The following VPS13D variants were observed in gnomAD, a reference collection of about 807,000 sequenced individuals.
VPS13D encodes vacuolar protein sorting 13 homolog D, also known as intermembrane lipid transfer protein VPS13D.
VPS13D carries 187 observed loss-of-function variants against 461.9 expected under a neutral mutation model. The ratio of observed to expected loss-of-function variants is 0.40; its 90% CI spans 0.36 to 0.46. The LOEUF is 0.46. Among genes scored for constraint, VPS13D ranks in the 20% least tolerant of loss-of-function variants. The pLI is 0.60. For missense variants in VPS13D, 4,711 were observed against 5,364.9 expected, an observed-to-expected ratio of 0.88 and a Z score of 3.81; for synonymous variants, 1,951 against 1,986.3, an observed-to-expected ratio of 0.98 and a Z score of 0.47.
intron 67 of VPS13D, among the ~76,000 whole-genome samples, chr1:12,470,405 CAT>C (rs992902219): frequency 3.3e-5 from 5 of 152,188 alleles, no homozygotes; most frequent in African/African-American, 1.2e-4. Flanking sequence ...CAAATTACCA[CAT>C]GTGAAGTGCT....
chr1:12,292,075 A>G (rs1642146502), intron 23 of VPS13D, among the ~76,000 whole-genome samples: 1 of 151,990 alleles, frequency 6.6e-6, no homozygotes, highest in South Asian at 2.1e-4. Flanking sequence ...CCTGGCCAAC[A>G]TGATGAAACC....
At chr1:12,315,665 A>T (rs1479560495) in intron 30 of VPS13D, among the ~76,000 whole-genome samples, 1 of 152,194 alleles carries the variant, frequency 6.6e-6, no homozygotes, top group Admixed American at 6.5e-5. Context: ...GTTAAAGCCC[A>T]TGATGTTTCC....
intron 1 of VPS13D, among the ~76,000 whole-genome samples, chr1:12,230,728 C>T (rs946598094): frequency 6.6e-6 from 1 of 151,700 alleles, no homozygotes; most frequent in East Asian, 2.0e-4. Flanking sequence ...CCAGCCACTC[C>T]TCCTAGGTGT....
chr1:12,252,596 A>AC (rs1640770005), intron 6 of VPS13D, among the ~76,000 whole-genome samples: 2 of 151,666 alleles, frequency 1.3e-5, no homozygotes, highest in Non-Finnish European at 2.9e-5. Flanking sequence ...ACATGATGAA[A>AC]CCCCATCTCT....
chr1:12,275,523 G>A (rs1288998577), intron 18 of VPS13D, among the ~76,000 whole-genome samples: 2 of 152,150 alleles, frequency 1.3e-5, no homozygotes, highest in Non-Finnish European at 2.9e-5. Context: ...AGCAGCTCAC[G>A]CCCATGGCAA....
chr1:12,232,747 G>A (rs1398658956), intron 1 of VPS13D, among the ~76,000 whole-genome samples: 1 of 144,498 alleles, frequency 6.9e-6, no homozygotes. Context: ...GAGGATTTCT[G>A]GAGTTTGGGG....
chr1:12,285,574 G>A (rs889159467), intron 21 of VPS13D, among the ~76,000 whole-genome samples: 1 of 152,124 alleles, frequency 6.6e-6, no homozygotes, highest in Admixed American at 6.5e-5. Flanking sequence ...ACAGGAGTGA[G>A]CCACTGCGCG....
chr1:12,413,686 G>T (rs995771791), intron 63 of VPS13D, among the ~76,000 whole-genome samples: 1 of 152,054 alleles, frequency 6.6e-6, no homozygotes, highest in Non-Finnish European at 1.5e-5. Context: ...CACCCAGGCT[G>T]GTCTTGAACT....
At position 12,338,322 on chromosome 1, in the gene VPS13D, C is replaced by T. The variant is rs747259633; in HGVS notation, c.8626+17C>T. ...ATGCTAGAGGTACAGTATAGCCAAGCGAGGGCTTGCTTTATTTTCCTGTTT... is the reference window on the plus strand; with the variant it reads ...ATGCTAGAGGTACAGTATAGCCAAGTGAGGGCTTGCTTTATTTTCCTGTTT... On this transcript the variant is annotated intron_variant, in intron 40 of 69. Transcript: ENST00000620676. 3.5e-5 allele frequency: 57 copies of T among 1,609,312 alleles called. No homozygotes were observed. Among genetic ancestry groups the T allele is most frequent in the Middle Eastern group, 1.6e-4 (1 of 6,062 alleles).
intron 26 of VPS13D, 54 bp from the exon 27 acceptor site, chr1:12,308,377 C>T (rs1365594796): frequency 1.3e-6 from 2 of 1,587,362 alleles, no homozygotes; most frequent in Non-Finnish European, 1.7e-6. Flanking sequence ...TTTAGTGCAA[C>T]CCCTTTTTGG....
Position 12,283,142 on chromosome 1 carries a change from T to C in VPS13D, c.5040T>C (p.Asn1680=), listed in dbSNP as rs1266102410. 6.2e-7 allele frequency: 1 copy of C among 1,613,998 alleles called. No homozygotes were observed. The highest frequency in any genetic ancestry group is 8.5e-7 in the Non-Finnish European group (1 of 1,180,024). Residue 1680 remains asparagine, a synonymous_variant, in exon 21 of 70, where the codon AAT becomes AAC. Coordinates refer to ENST00000620676, the MANE Select transcript of VPS13D (RefSeq NM_015378.4). ...SLLMEDLLEK[N]PDSKYKNLMV... is the part of the protein sequence containing the mutation. ...TGATGGAGGACTTATTGGAGAAGAA[T>C]CCAGATTCTAAATATAAGAACCTGA...
At chr1:12,247,516 AAAAAAC>A (rs1330004122) in intron 5 of VPS13D, among the ~76,000 whole-genome samples, 1 of 152,038 alleles carries the variant, frequency 6.6e-6, no homozygotes, top group Non-Finnish European at 1.5e-5. Context: ...AAAAACCCAA[AAAAAAC>A]AAAAACAAAA....
chr1:12,406,329 A>G (rs1056897841), intron 63 of VPS13D, among the ~76,000 whole-genome samples: 4 of 152,160 alleles, frequency 2.6e-5, no homozygotes, highest in African/African-American at 7.2e-5. Flanking sequence ...GAAGGGTACT[A>G]TGCTCTTTTA....
In VPS13D at chr1:12,283,614, A is replaced by G. The variant is rs1641873714; in HGVS notation, c.5512A>G (p.Thr1838Ala). The G allele has an allele frequency of 4.3e-6, 7 of 1,614,202 alleles. No homozygotes were observed. Among genetic ancestry groups the G allele is most frequent in the Middle Eastern group, 1.6e-4 (1 of 6,062 alleles). The change falls in exon 21 of 70, where the codon ACT becomes GCT. Residue 1838 changes from threonine (T) to alanine (A), a missense_variant. By Grantham distance (58) the Thr-to-Ala change is moderately conservative. Around this residue, in one of 3 missense-constraint regions of VPS13D, gnomAD observed 4,411 missense variants for 4,937.8 expected, o/e 0.89. Transcript: ENST00000620676. Reference sequence around the variant, plus strand: ...ATTAGACTTTTTTGGAATCGGCTCCACTGCAGACAACCACGCAATGAGGCT... The same window carrying G: ...ATTAGACTTTTTTGGAATCGGCTCCGCTGCAGACAACCACGCAATGAGGCT... ...VILDFFGIGS[T>A]ADNHAMRLPP...
intron 13 of VPS13D, 131 bp from the exon 14 acceptor site, chr1:12,266,750 T>G: frequency 1.1e-6 from 1 of 902,166 alleles, no homozygotes; most frequent in Non-Finnish European, 1.5e-6. Flanking sequence ...GGTTTTTTTG[T>G]TTGTTTGTTT....
chr1:12,432,394 C>CAAA (rs565314145), intron 65 of VPS13D, among the ~76,000 whole-genome samples: 117 of 91,674 alleles, frequency 1.3e-3, no homozygotes, highest in Admixed American at 2.0e-3. Context: ...AACTCCGTCT[C>CAAA]AAAAAAAAAA....
In VPS13D at chr1:12,386,345, A is replaced by T. The variant is rs200895129; in HGVS notation, c.11634+11A>T. ...ATACAGGATGTACAGGTAAGGGGGA[A>T]GTTCCAAAGCTGTTAGTCACCTTGT... On this transcript the variant is annotated intron_variant, in intron 60 of 69. Coordinates refer to ENST00000620676, the MANE Select transcript of VPS13D (RefSeq NM_015378.4). 6 of 1,589,348 alleles carry T rather than the reference A, an allele frequency of 3.8e-6. No homozygotes were observed. Among genetic ancestry groups the T allele is most frequent in the East Asian group, 2.3e-5 (1 of 43,170 alleles).
chr1:12,238,181 A>AT (rs1309756084), intron 2 of VPS13D, among the ~76,000 whole-genome samples: 2 of 150,152 alleles, frequency 1.3e-5, no homozygotes, highest in African/African-American at 2.5e-5. Context: ...ATATGTATAT[A>AT]TATCTCCCCC....
chr1:12,459,889 G>C (rs1312088751), intron 66 of VPS13D, among the ~76,000 whole-genome samples: 1 of 151,582 alleles, frequency 6.6e-6, no homozygotes, highest in Non-Finnish European at 1.5e-5. Flanking sequence ...ATCGTCCGTA[G>C]GCTGCCCAAG....
Sources: allele counts gnomAD v4.1 joint callset (sites outside exome capture counted in the v4.1 genomes callset), GRCh38; gene constraint gnomAD v4.1.1; regional missense constraint gnomAD v4.1.1; transcripts MANE v1.5; gene names NCBI Gene and HGNC (gene_info 2026-07-23, HGNC 2026-07-21).